The following INTS6L variants were observed in gnomAD, a reference collection of about 807,000 sequenced individuals.
INTS6L encodes integrator complex subunit 6-like.
In INTS6L, 18 loss-of-function variants were observed where a neutral mutation model predicts 64.7. That is an observed-to-expected ratio of 0.28 (90% CI 0.19 to 0.41). INTS6L has a LOEUF of 0.41. INTS6L is among the 10% of genes least tolerant of loss of function. INTS6L has a pLI of 1.00. For missense variants in INTS6L, 533 were observed against 661.0 expected (o/e 0.81, Z 2.12); for synonymous variants, 227 against 235.9 (o/e 0.96, Z 0.34).
chrX:135,563,633 G>GTATATA (rs1221791167), intron 9 of INTS6L, among the ~76,000 whole-genome samples: 9 of 10,383 alleles, frequency 8.7e-4, no homozygotes, highest in Admixed American at 3.9e-3. Flanking sequence ...GTGTGTGTGT[G>GTATATA]TATATATATA....
intron 9 of INTS6L, among the ~76,000 whole-genome samples, chrX:135,565,543 G>T (rs2086923401): frequency 1.8e-5 from 2 of 111,430 alleles, no homozygotes; most frequent in Admixed American, 1.9e-4. Context: ...TCTGTTTGAA[G>T]TGTCTTCTGT....
chrX:135,580,151 A>G lies in INTS6L; in HGVS notation c.2483A>G (p.Lys828Arg). 8.5e-7 allele frequency: 1 copy of G among 1,177,731 alleles called. No individual in the cohort carries two copies. Among genetic ancestry groups the G allele is most frequent in the East Asian group, 3.0e-5 (1 of 33,413 alleles). The stretch of plus-strand genomic sequence containing the variant: ...CATCAATTAATGAAGGAAGTTCGAA[A>G]GTTTGGTCGAAGTAAGTAGTGAAAG... ...IKHQLMKEVR[K>R]FGRKYERIFI... The change falls in exon 16 of 18, where the codon AAG (lysine) becomes AGG (arginine). Residue 828 changes from lysine to arginine, a missense_variant. Coordinates refer to ENST00000639893, the MANE Select transcript of INTS6L (RefSeq NM_001351601.3).
Position 135,547,167 on chromosome X carries a change from T to C in INTS6L, c.644T>C (p.Met215Thr). ...GRSYCVRTQR[M>T]LNQCLESLVQ... ...TCCTACTGTGTGAGAACACAAAGAA[T>C]GTTGAATCAATGTTTAGAATCTCTA... The change falls in exon 6 of 18, where the codon ATG (methionine) becomes ACG (threonine). Residue 215 changes from methionine (M) to threonine (T), a missense_variant. Met to Thr is a moderately conservative substitution (Grantham distance 81). Coordinates refer to ENST00000639893, the MANE Select transcript of INTS6L (RefSeq NM_001351601.3). 8.3e-7 allele frequency: 1 copy of C among 1,210,623 alleles called. No homozygotes were observed. Among genetic ancestry groups the C allele is most frequent in the Non-Finnish European group, 1.1e-6 (1 of 894,771 alleles).
At position 135,579,813 on chromosome X, in the gene INTS6L, TGAG is replaced by T. The variant is rs1569514618; in HGVS notation, c.2149_2151del (p.Glu717del). The stretch of plus-strand genomic sequence containing the variant: ...ATGCTACTATCATTCACGATGGCCA[TGAG>T]GAGAAGATGGAAAATGGTCAGATCA... On this transcript the variant is annotated inframe_deletion, in exon 16 of 18. Coordinates refer to ENST00000639893, the MANE Select transcript of INTS6L (RefSeq NM_001351601.3). 3.4e-6 allele frequency: 4 copies of T among 1,193,440 alleles called. No individual in the cohort carries two copies. Among genetic ancestry groups the T allele is most frequent in the Non-Finnish European group, 4.5e-6 (4 of 884,742 alleles).
chrX:135,546,531 G>T, intron 4 of INTS6L, 62 bp downstream of exon 4: 1 of 1,007,350 alleles, frequency 9.9e-7, no homozygotes, highest in Non-Finnish European at 1.3e-6. Context: ...CTATTTCTGT[G>T]GGAGGCATTT....
chrX:135,537,066 T>A (rs2086075828), intron 2 of INTS6L, among the ~76,000 whole-genome samples: 1 of 112,061 alleles, frequency 8.9e-6, no homozygotes, highest in African/African-American at 3.2e-5. Context: ...CAGTTTCCTG[T>A]TTGCAAACCA....
chrX:135,574,782 G>T (rs1265205715), intron 13 of INTS6L, among the ~76,000 whole-genome samples: 1 of 111,902 alleles, frequency 8.9e-6, no homozygotes, highest in Non-Finnish European at 1.9e-5. Context: ...TTGAAATGCA[G>T]AAGATATGTG....
At chrX:135,528,866 A>ACCCCCCCCCCCCCC (rs782759551) in intron 2 of INTS6L, among the ~76,000 whole-genome samples, 2 of 48,006 alleles carry the variant, frequency 4.2e-5, no homozygotes, top group Admixed American at 3.0e-4. Flanking sequence ...TAAAATGAAC[A>ACCCCCCCCCCCCCC]CCCCCCCCCC....
rs1312619612 is a variant in INTS6L, at chrX:135,551,639, C to A, written c.907-355C>A. ...ATGGTACAAAGGAATGAAGGGCAGG[C>A]AATTCTTGGAGGTCATAAAATAGAT... On this transcript the variant is annotated intron_variant, in intron 7 of 17. Transcript: ENST00000639893. 4.5e-5 allele frequency among the ~76,000 whole-genome samples: 5 copies of A among 112,349 alleles called. No individual in the cohort carries two copies. In the Admixed American group the frequency reaches 4.7e-4, roughly 11 times the overall value.
chrX:135,524,834 T>C (rs782293909), intron 2 of INTS6L, among the ~76,000 whole-genome samples: 92 of 112,505 alleles, frequency 8.2e-4, no homozygotes, highest in African/African-American at 2.6e-3. Context: ...TTAAAATTAG[T>C]CATACCTTTT....
chrX:135,577,214 G>T lies in INTS6L; in HGVS notation c.1906G>T (p.Asp636Tyr). 1 of 1,211,369 alleles carries T rather than the reference G, an allele frequency of 8.3e-7. No homozygotes were observed. Among genetic ancestry groups the T allele is most frequent in the Non-Finnish European group, 1.1e-6 (1 of 895,271 alleles). ...TTAGGGAATGATGATTGATGAAGCAGATGAGTTTGTAGCAGGGCCACAAAA... is the reference window on the plus strand; with the variant it reads ...TTAGGGAATGATGATTGATGAAGCATATGAGTTTGTAGCAGGGCCACAAAA... The part of the protein sequence containing the change: ...DKKGMMIDEA[D>Y]EFVAGPQNKV... The change falls in exon 15 of 18, where the codon GAT becomes TAT. Residue 636 changes from aspartate (D) to tyrosine (Y), a missense_variant. Coordinates refer to ENST00000639893, the MANE Select transcript of INTS6L (RefSeq NM_001351601.3).
chrX:135,564,483 T>C (rs1322900184), intron 9 of INTS6L, among the ~76,000 whole-genome samples: 1 of 110,967 alleles, frequency 9.0e-6, no homozygotes, highest in Non-Finnish European at 1.9e-5. Flanking sequence ...TCACAGCACT[T>C]TGGGAGGCCA....
Position 135,582,017 on chromosome X carries a change from G to A in INTS6L, c.*381G>A. 6.2e-6 allele frequency: 1 copy of A among 161,453 alleles called. No homozygotes were observed. 13.3% of individuals were successfully genotyped at this position (161,453 alleles called of 1,213,427 possible). A position where few individuals can be genotyped will look rare whatever the true frequency, so the allele number is the denominator to read the frequency against. On this transcript the variant is annotated 3_prime_UTR_variant, in exon 18 of 18. Transcript: ENST00000639893. ...TGGAGCACAACTTGGTGCTCTTACT[G>A]TGTCCTTCAGAAAGAATAGGTGTAC... is the stretch of plus-strand genomic sequence containing the variant.
intron 9 of INTS6L, among the ~76,000 whole-genome samples, chrX:135,559,184 G>GT (rs1556520865): frequency 8.9e-6 from 1 of 111,740 alleles, no homozygotes; most frequent in African/African-American, 3.3e-5. Flanking sequence ...CAAAACTACA[G>GT]TACAGTATCA....
chrX:135,545,536 C>T lies in INTS6L; in HGVS notation c.303C>T (p.Leu101=). Residue 101 remains leucine, a synonymous_variant, in exon 3 of 18, where the codon CTC becomes CTT. Transcript: ENST00000639893. ...GATCCTCATTTGATTTGTTAAATCT[C>T]AATAGATTAATATCTGGAATAGACA... The part of the protein sequence containing the change: ...ALRSSFDLLN[L]NRLISGIDNY... 2 of 1,208,158 alleles carry T rather than the reference C, an allele frequency of 1.7e-6. No homozygotes were observed. The highest frequency in any genetic ancestry group is 2.2e-6 in the Non-Finnish European group (2 of 893,939).
intron 7 of INTS6L, among the ~76,000 whole-genome samples, chrX:135,550,533 G>A (rs976845865): frequency 1.8e-5 from 2 of 109,077 alleles, no homozygotes; most frequent in Non-Finnish European, 1.9e-5. Flanking sequence ...ATTGTAAGAG[G>A]GCCTGAGTAA....
chrX:135,574,052 A>T lies in INTS6L; in HGVS notation c.1731A>T (p.Gly577=). ...TGAAAACGCACAAGTTTATTGTTGG[A>T]CAAGATGAAGGTAAAATAACTGTGA... ...NLLKTHKFIV[G]QDEDSLHSVP... is the part of the protein sequence containing the mutation. The change falls in exon 13 of 18, where the codon GGA becomes GGT. Residue 577 remains glycine (G), a synonymous_variant. Coordinates refer to ENST00000639893, the MANE Select transcript of INTS6L (RefSeq NM_001351601.3). The T allele has an allele frequency of 8.4e-7, 1 of 1,191,975 alleles. No homozygotes were observed. The highest frequency in any genetic ancestry group is 1.1e-6 in the Non-Finnish European group (1 of 889,101).
intron 2 of INTS6L, among the ~76,000 whole-genome samples, chrX:135,522,749 C>A (rs1191137642): frequency 8.9e-6 from 1 of 111,951 alleles, no homozygotes; most frequent in Non-Finnish European, 1.9e-5. Context: ...CTCGTAGCTT[C>A]GGTTAACTGT....
In INTS6L at chrX:135,546,406, A is replaced by G. The variant is rs782687977; in HGVS notation, c.366A>G (p.Pro122=). ...GGAGAAATCCATTTTTTTTAGAACC[A>G]TCTATTTTAATTACCATCACAGATG... ...GQGRNPFFLE[P]SILITITDGN... is the part of the protein sequence containing the mutation. Residue 122 remains proline, a synonymous_variant, in exon 4 of 18, where the codon CCA becomes CCG. Coordinates refer to ENST00000639893, the MANE Select transcript of INTS6L (RefSeq NM_001351601.3). 6.0e-6 allele frequency: 7 copies of G among 1,169,006 alleles called. No individual in the cohort carries two copies. The highest frequency in any genetic ancestry group is 2.4e-4 in the Middle Eastern group (1 of 4,091).
Sources: gnomAD v4.1 joint callset for allele counts (sites outside exome capture counted in the v4.1 genomes callset) on GRCh38, gnomAD v4.1.1 for gene constraint, MANE v1.5 for transcripts, NCBI Gene and HGNC (gene_info 2026-07-23, HGNC 2026-07-21) for gene names.